The following CSMD1 variants were observed in gnomAD, a reference collection of about 807,000 sequenced individuals.
CSMD1 encodes the protein CUB and Sushi multiple domains 1, also known as CUB and sushi domain-containing protein 1.
A neutral mutation model predicts 417.5 loss-of-function variants in CSMD1; 213 were observed. The ratio of observed to expected loss-of-function variants is 0.51; its 90% CI spans 0.46 to 0.57. CSMD1 has a LOEUF of 0.57. CSMD1 is among the 20% of genes least tolerant of loss of function. CSMD1 has a pLI of 0.00. For missense variants in CSMD1, 6,923 were observed against 4,529.7 expected, an observed-to-expected ratio of 1.53 and a Z score of -15.17; for synonymous variants, 2,862 against 1,736.8, an observed-to-expected ratio of 1.65 and a Z score of -16.11.
intron 2 of CSMD1, among the ~76,000 whole-genome samples, chr8:4,488,030 T>C (rs575776589): frequency 2.6e-5 from 4 of 152,172 alleles, no homozygotes; most frequent in Non-Finnish European, 5.9e-5. Flanking sequence ...TGGAGGTGAG[T>C]AGGTCATGAG....
intron 25 of CSMD1, among the ~76,000 whole-genome samples, chr8:3,294,431 C>T (rs958423507): frequency 3.3e-5 from 5 of 152,204 alleles, no homozygotes; most frequent in African/African-American, 7.2e-5. Flanking sequence ...GTGGAGTCTA[C>T]AGAGGCAGGC....
chr8:3,981,229 G>A (rs1294525987), intron 5 of CSMD1, among the ~76,000 whole-genome samples: 1 of 152,156 alleles, frequency 6.6e-6, no homozygotes, highest in Non-Finnish European at 1.5e-5. Context: ...TATTCTAAGT[G>A]AAGTAACTCA....
At chr8:4,345,780 C>A (rs182447707) in intron 3 of CSMD1, among the ~76,000 whole-genome samples, 2 of 152,166 alleles carry the variant, frequency 1.3e-5, no homozygotes, top group Non-Finnish European at 1.5e-5. Context: ...CGTTAAAATG[C>A]TAATTCTTCC....
intron 1 of CSMD1, among the ~76,000 whole-genome samples, chr8:4,818,814 A>C (rs1289635580): frequency 1.3e-5 from 2 of 152,120 alleles, no homozygotes; most frequent in Non-Finnish European, 2.9e-5. Context: ...TTCATTAGAG[A>C]CTCACCATGG....
chr8:2,942,564 G>C lies in CSMD1; in HGVS notation c.10443C>G (p.His3481Gln), dbSNP rs778517811. The C allele has an allele frequency of 6.2e-7, 1 of 1,605,162 alleles. No homozygotes were observed. Among genetic ancestry groups the C allele is most frequent in the East Asian group, 2.2e-5 (1 of 44,714 alleles). ...NPDQDSSSHY[H>Q]GTSSGSVAAA... The stretch of plus-strand genomic sequence containing the variant: ...CCGCCACAGAGCCACTGCTGGTGCC[G>C]TGGTAATGACTGGAAGAGTCTTGAT... Residue 3481 changes from histidine to glutamine, a missense_variant, in exon 69 of 70, where the codon CAC becomes CAG. Coordinates refer to ENST00000635120, the MANE Select transcript of CSMD1 (RefSeq NM_033225.6).
chr8:3,170,271 G>C (rs528817159), intron 37 of CSMD1, among the ~76,000 whole-genome samples: 2 of 152,110 alleles, frequency 1.3e-5, no homozygotes, highest in East Asian at 1.9e-4. Flanking sequence ...GCAGTGGTGT[G>C]ATCTTGGCTC....
chr8:4,803,686 G>C lies in CSMD1; in HGVS notation c.86-166128C>G, dbSNP rs533285613. 2.8e-4 allele frequency among the ~76,000 whole-genome samples: 43 copies of C among 152,162 alleles called. No individual in the cohort carries two copies. In the South Asian group the frequency reaches 8.3e-3, roughly 29 times the overall value. ...AAACATATCAGTAAAATAAAGTTAA[G>C]CTCATTTCTGCTTTTTTCCACGAAT... On this transcript the variant is annotated intron_variant, in intron 1 of 69. Coordinates refer to ENST00000635120, the MANE Select transcript of CSMD1 (RefSeq NM_033225.6).
At chr8:3,995,445 T>C (rs1056007102) in intron 5 of CSMD1, among the ~76,000 whole-genome samples, 1 of 152,190 alleles carries the variant, frequency 6.6e-6, no homozygotes, top group African/African-American at 2.4e-5. Context: ...GACAGTTACC[T>C]GTTCAAGGCT....
intron 1 of CSMD1, among the ~76,000 whole-genome samples, chr8:4,990,437 T>G (rs1342936197): frequency 6.6e-6 from 1 of 152,014 alleles, no homozygotes; most frequent in Non-Finnish European, 1.5e-5. Context: ...GATCTCAGCC[T>G]ACTGCAACCT....
chr8:3,054,010 T>C (rs1812048522), intron 49 of CSMD1, among the ~76,000 whole-genome samples: 1 of 152,272 alleles, frequency 6.6e-6, no homozygotes, highest in East Asian at 1.9e-4. Flanking sequence ...AAACACATAA[T>C]TCTACATATA....
intron 3 of CSMD1, among the ~76,000 whole-genome samples, chr8:4,206,026 C>T (rs1799957648): frequency 6.6e-6 from 1 of 152,018 alleles, no homozygotes; most frequent in South Asian, 2.1e-4. Context: ...TACATAGTTC[C>T]TCCCCATCCA....
chr8:4,041,235 T>C (rs1797878431), intron 3 of CSMD1, among the ~76,000 whole-genome samples: 1 of 152,056 alleles, frequency 6.6e-6, no homozygotes, highest in Non-Finnish European at 1.5e-5. Flanking sequence ...GCCAGGATGG[T>C]CACGATCTCC....
intron 5 of CSMD1, among the ~76,000 whole-genome samples, chr8:3,975,006 T>C (rs887708273): frequency 2.6e-5 from 4 of 152,190 alleles, no homozygotes; most frequent in South Asian, 4.1e-4. Flanking sequence ...TTCTTTGCAG[T>C]GAAAATGGAA....
chr8:3,908,114 G>A (rs951707116), intron 5 of CSMD1, among the ~76,000 whole-genome samples: 4 of 152,250 alleles, frequency 2.6e-5, no homozygotes, highest in Middle Eastern at 3.4e-3. Context: ...GCTTTATGGA[G>A]CCCCTCTGAG....
chr8:3,390,341 C>T lies in CSMD1; in HGVS notation c.2594-2659G>A, dbSNP rs183429707. Among the ~76,000 whole-genome samples, 32 of 99,024 alleles carry T rather than the reference C, an allele frequency of 3.2e-4. No homozygotes were observed. The East Asian group carries it at 9.4e-3, about 29-fold the overall frequency. 65.0% of individuals were successfully genotyped at this position (99,024 alleles called of 152,430 possible). A position where few individuals can be genotyped will look rare whatever the true frequency, so the allele number is the denominator to read the frequency against. ...TTGCATTCCAGCCTGGGCGACAGAG[C>T]AAGACTCTGTCTCAAAAAAAAAAAA... On this transcript the variant is annotated intron_variant, in intron 17 of 69. Coordinates refer to ENST00000635120, the MANE Select transcript of CSMD1 (RefSeq NM_033225.6).
In CSMD1 at chr8:3,564,684, A is replaced by C. The variant is rs118096491; in HGVS notation, c.1344+10261T>G. Among the ~76,000 whole-genome samples the C allele has an allele frequency of 1.9e-3, 287 of 152,276 alleles. 6 individuals carry two copies. In the East Asian group the frequency reaches 0.032, roughly 17 times the overall value. On this transcript the variant is annotated intron_variant, in intron 10 of 69. Coordinates refer to ENST00000635120, the MANE Select transcript of CSMD1 (RefSeq NM_033225.6). ...GAACTGAGGTGTTATAAGAAAATCA[A>C]TCCAGCAGAAAGTGGAGAATGTACG...
intron 1 of CSMD1, among the ~76,000 whole-genome samples, chr8:4,719,688 T>C (rs936503763): frequency 6.6e-6 from 1 of 152,178 alleles, no homozygotes; most frequent in African/African-American, 2.4e-5. Context: ...TGAAAGTAAT[T>C]TGATTTATGT....
At chr8:3,502,985 G>C (rs1254990400) in intron 10 of CSMD1, among the ~76,000 whole-genome samples, 3 of 152,098 alleles carry the variant, frequency 2.0e-5, no homozygotes, top group Admixed American at 1.3e-4. Context: ...GGTTGTGCAT[G>C]TGTGGGGGCA....
chr8:3,440,941 G>A (rs546269462), intron 12 of CSMD1, among the ~76,000 whole-genome samples: 1 of 152,150 alleles, frequency 6.6e-6, no homozygotes, highest in Non-Finnish European at 1.5e-5. Context: ...TGGTGACTGT[G>A]ATTTTATTTG....
Sources: allele counts gnomAD v4.1 joint callset (sites outside exome capture counted in the v4.1 genomes callset), GRCh38; gene constraint gnomAD v4.1.1; transcripts MANE v1.5; gene names NCBI Gene and HGNC (gene_info 2026-07-23, HGNC 2026-07-21).